The following UTRN variants were observed in gnomAD, a reference collection of about 807,000 sequenced individuals.
UTRN encodes the protein dystrophin-related protein 1.
Under a neutral mutation model 463.9 loss-of-function variants are expected in UTRN, and 283 were observed. The observed-to-expected ratio is 0.61, with a 90% CI of 0.55 to 0.67. The LOEUF (loss-of-function observed/expected upper bound fraction) is 0.67. UTRN is among the 30% of genes least tolerant of loss of function. The probability of loss-of-function intolerance (pLI) is 0.00; values close to 1 mark genes in which losing one functional copy is unlikely to be tolerated. For missense variants in UTRN, 3,922 were observed against 4,084.3 expected (o/e 0.96, Z 1.08); for synonymous variants, 1,442 against 1,431.5 (o/e 1.01, Z -0.17).
chr6:144,567,225 G>A (rs1800489080), intron 50 of UTRN, among the ~76,000 whole-genome samples: 1 of 152,152 alleles, frequency 6.6e-6, no homozygotes, highest in South Asian at 2.1e-4. Flanking sequence ...GGCCTGGGGA[G>A]ATGGAAGGTA....
chr6:144,508,815 A>G (rs1035205631), intron 34 of UTRN, among the ~76,000 whole-genome samples: 1 of 152,164 alleles, frequency 6.6e-6, no homozygotes, highest in Non-Finnish European at 1.5e-5. Context: ...ATAACCAATT[A>G]TCTTAGTGCT....
rs574481757 is a variant in UTRN, at chr6:144,470,139, T to A, written c.3067-3581T>A. 1.5e-3 allele frequency among the ~76,000 whole-genome samples: 226 copies of A among 152,336 alleles called. 2 individuals carry two copies. The highest frequency in any genetic ancestry group is 5.1e-3 in the African/African-American group (214 of 41,584). On this transcript the variant is annotated intron_variant, in intron 23 of 74. Coordinates refer to ENST00000367545, the MANE Select transcript of UTRN (RefSeq NM_007124.3). Reference sequence around the variant, plus strand: ...ACAGCAACAATCCGATCTCTCCTTCTTTTCCCCACACTTCCCCCCCTTCTA... The same window carrying A: ...ACAGCAACAATCCGATCTCTCCTTCATTTCCCCACACTTCCCCCCCTTCTA...
At chr6:144,820,457 T>G (rs9497092) in intron 65 of UTRN, among the ~76,000 whole-genome samples, 12,468 of 146,812 alleles carry the variant, frequency 0.085, 1,694 homozygotes, top group African/African-American at 0.3. Context: ...ATGACTAATT[T>G]CCATTAACAC....
At chr6:144,688,471 C>G (rs1287449121) in intron 52 of UTRN, among the ~76,000 whole-genome samples, 1 of 152,146 alleles carries the variant, frequency 6.6e-6, no homozygotes, top group East Asian at 1.9e-4. Context: ...AATTATTTTT[C>G]TGGCTCCTTC....
At chr6:144,452,945 GAA>G (rs1175934612) in intron 18 of UTRN, among the ~76,000 whole-genome samples, 10 of 69,816 alleles carry the variant, frequency 1.4e-4, no homozygotes, top group African/African-American at 3.0e-4. Context: ...CTGCCTCAAA[GAA>G]AAAAAAAAAA....
chr6:144,515,407 A>T (rs1035311413), intron 37 of UTRN, among the ~76,000 whole-genome samples: 1 of 152,188 alleles, frequency 6.6e-6, no homozygotes, highest in African/African-American at 2.4e-5. Flanking sequence ...CAAGCTAGGG[A>T]TGAATATTAA....
chr6:144,761,943 A>G (rs1481397280), intron 58 of UTRN, among the ~76,000 whole-genome samples: 6 of 152,202 alleles, frequency 3.9e-5, no homozygotes, highest in Non-Finnish European at 7.3e-5. Flanking sequence ...TAATAATAAC[A>G]TATAATAATG....
chr6:144,704,822 T>G (rs1306760959), intron 53 of UTRN, among the ~76,000 whole-genome samples: 1 of 151,874 alleles, frequency 6.6e-6, no homozygotes. Flanking sequence ...ATTAGCTGGG[T>G]GTGGTGACGT....
intron 50 of UTRN, among the ~76,000 whole-genome samples, chr6:144,565,046 G>T (rs1800279563): frequency 6.6e-6 from 1 of 152,150 alleles, no homozygotes; most frequent in Non-Finnish European, 1.5e-5. Flanking sequence ...GATGGTTGTG[G>T]TCCAACTGGG....
At chr6:144,789,718 A>T (rs1232857789) in intron 62 of UTRN, among the ~76,000 whole-genome samples, 2 of 152,158 alleles carry the variant, frequency 1.3e-5, no homozygotes, top group Admixed American at 6.5e-5. Flanking sequence ...TTATTTCTTT[A>T]TACTTCCAAT....
At position 144,836,445 on chromosome 6, in the gene UTRN, G is replaced by A; in HGVS notation, c.9969G>A (p.Gln3323=). 1 of 1,613,740 alleles carries A rather than the reference G, an allele frequency of 6.2e-7. No homozygotes were observed. Residue 3323 remains glutamine, a synonymous_variant, in exon 71 of 75, where the codon CAG becomes CAA. Coordinates refer to ENST00000367545, the MANE Select transcript of UTRN (RefSeq NM_007124.3). ...TAGCAGAAGCAAAACTCCTCAGGCA[G>A]CACAAAGGTCGGCTGGAGGCTAGGA... ...ELIAEAKLLR[Q]HKGRLEARMQ... is the part of the protein sequence containing the mutation.
At chr6:144,755,915 C>T (rs1313717308) in intron 57 of UTRN, among the ~76,000 whole-genome samples, 1 of 152,082 alleles carries the variant, frequency 6.6e-6, no homozygotes, top group African/African-American at 2.4e-5. Flanking sequence ...TTTCAAGAAT[C>T]TTAATCAGTC....
intron 23 of UTRN, 53 bp downstream of exon 23, chr6:144,462,919 T>G: frequency 7.5e-7 from 1 of 1,333,166 alleles, no homozygotes; most frequent in Non-Finnish European, 1.1e-6. Flanking sequence ...AAATAGTAAT[T>G]ATCTTATAAG....
At chr6:144,831,603 C>T (rs1780678389) in intron 69 of UTRN, among the ~76,000 whole-genome samples, 1 of 152,156 alleles carries the variant, frequency 6.6e-6, no homozygotes, top group Non-Finnish European at 1.5e-5. Context: ...TACATGAGTA[C>T]GTTCGATTGA....
intron 50 of UTRN, among the ~76,000 whole-genome samples, chr6:144,570,529 A>G (rs1204431276): frequency 6.6e-6 from 1 of 152,200 alleles, no homozygotes; most frequent in Admixed American, 6.5e-5. Flanking sequence ...ATATTTTTTT[A>G]CTTATATAAC....
At chr6:144,321,373 AG>A (rs918498474) in intron 2 of UTRN, among the ~76,000 whole-genome samples, 4 of 152,030 alleles carry the variant, frequency 2.6e-5, no homozygotes, top group Non-Finnish European at 2.9e-5. Context: ...ACAGTCAGGA[AG>A]CCAAGGCAGA....
At chr6:144,337,150 G>GACAC (rs1225606645) in intron 2 of UTRN, among the ~76,000 whole-genome samples, 1 of 147,418 alleles carries the variant, frequency 6.8e-6, no homozygotes, top group African/African-American at 2.5e-5. Flanking sequence ...CACACACAGA[G>GACAC]ACACACACAC....
intron 50 of UTRN, among the ~76,000 whole-genome samples, chr6:144,571,150 A>G (rs906134707): frequency 2.0e-5 from 3 of 152,172 alleles, no homozygotes; most frequent in African/African-American, 4.8e-5. Flanking sequence ...GATTGATTGC[A>G]TATGTGCACT....
At chr6:144,384,580 C>T (rs1347634752) in intron 2 of UTRN, among the ~76,000 whole-genome samples, 1 of 152,038 alleles carries the variant, frequency 6.6e-6, no homozygotes, top group Non-Finnish European at 1.5e-5. Flanking sequence ...ACTCCTCACT[C>T]CTCTCTCCTC....
Sources: gnomAD v4.1 joint callset for allele counts (sites outside exome capture counted in the v4.1 genomes callset) on GRCh38, gnomAD v4.1.1 for gene constraint, MANE v1.5 for transcripts, NCBI Gene and HGNC (gene_info 2026-07-23, HGNC 2026-07-21) for gene names.